Variants in CASZ1 observed in about 807,000 individuals in gnomAD.
CASZ1 encodes castor zinc finger 1.
In CASZ1, 28 loss-of-function variants were observed where a neutral mutation model predicts 135.2. That is an observed-to-expected ratio of 0.21 (90% CI 0.15 to 0.28). CASZ1 has a LOEUF of 0.28. Ranked by LOEUF, CASZ1 falls within the 10% of genes least tolerant of loss-of-function variation. CASZ1 has a pLI of 1.00. For synonymous variants in CASZ1, 1,068 were observed against 1,073.4 expected, an observed-to-expected ratio of 0.99 and a Z score of 0.10; for missense variants, 2,161 against 2,453.3, an observed-to-expected ratio of 0.88 and a Z score of 2.52.
rs1350028964 is a variant in CASZ1 at position 10,696,448 on chromosome 1, C to T, written c.-23-2536G>A. On this transcript the variant is annotated intron_variant, in intron 3 of 20. Coordinates refer to ENST00000377022, the MANE Select transcript of CASZ1 (RefSeq NM_001079843.3). ...ATGACTGCCCGTACCGGGCACCCAG[C>T]ACAGAGGACTGTGTGCCTCTGCTCC... is the stretch of plus-strand genomic sequence containing the variant. Among the ~76,000 whole-genome samples the T allele has an allele frequency of 1.3e-5, 2 of 152,272 alleles. 1 individual carries two copies. Among genetic ancestry groups the T allele is most frequent in the East Asian group, 3.8e-4 (2 of 5,200 alleles).
rs925743187 is a variant in CASZ1, at chr1:10,759,349, C to G, written c.-77+1352G>C. On this transcript the variant is annotated intron_variant, in intron 2 of 20. Transcript: ENST00000377022. This position sits in a 1 kb window ranked among gnomAD's most constrained non-coding sequence, Gnocchi z 4.2. ...CAGAAGACTTCAGCGCCACGAAACTCCCCCCACGGCCTTTTCCAGGTGACA... is the reference window on the plus strand; with the variant it reads ...CAGAAGACTTCAGCGCCACGAAACTGCCCCCACGGCCTTTTCCAGGTGACA... Among the ~76,000 whole-genome samples, 16 of 152,252 alleles carry G rather than the reference C, an allele frequency of 1.1e-4. No individual in the cohort carries two copies. The highest frequency in any genetic ancestry group is 1.0e-3 in the Admixed American group (16 of 15,296).
At chr1:10,789,367 CG>C (rs890010881) in intron 1 of CASZ1, among the ~76,000 whole-genome samples, 71 of 151,144 alleles carry the variant, frequency 4.7e-4, no homozygotes, top group Non-Finnish European at 1.8e-4. Context: ...GCCTGCCCCC[CG>C]CACCCCCTCC....
At chr1:10,791,989 C>T (rs971792033) in intron 1 of CASZ1, among the ~76,000 whole-genome samples, 5 of 151,718 alleles carry the variant, frequency 3.3e-5, no homozygotes, top group African/African-American at 1.2e-4. Context: ...CTTTTCTACT[C>T]GTAAGCCTCT....
chr1:10,718,215 C>G (rs893192017), intron 2 of CASZ1, among the ~76,000 whole-genome samples: 1 of 152,226 alleles, frequency 6.6e-6, no homozygotes, highest in Non-Finnish European at 1.5e-5. Context: ...TCTCCCCTTC[C>G]GCCCTGTTGC....
rs1048726137 is a variant in CASZ1 at position 10,757,050 on chromosome 1, C to A, written c.-77+3651G>T. ...GGATAGTGTGTGTCCTGGCCTGCTCCCAGGCTCACTCCTGAAAACGGTGTC... is the reference window on the plus strand; with the variant it reads ...GGATAGTGTGTGTCCTGGCCTGCTCACAGGCTCACTCCTGAAAACGGTGTC... On this transcript the variant is annotated intron_variant, in intron 2 of 20. Coordinates refer to ENST00000377022, the MANE Select transcript of CASZ1 (RefSeq NM_001079843.3). The surrounding 1 kb of genome is among the most constrained non-coding windows in gnomAD (Gnocchi z 4.6). Among the ~76,000 whole-genome samples, 1 of 152,142 alleles carries A rather than the reference C, an allele frequency of 6.6e-6. No individual in the cohort carries two copies. The highest frequency in any genetic ancestry group is 2.1e-4 in the South Asian group (1 of 4,824).
In CASZ1 at chr1:10,638,467, C is replaced by T. The variant is rs943466283; in HGVS notation, c.*475G>A. 6.6e-6 allele frequency: 1 copy of T among 152,098 alleles called. No homozygotes were observed. The highest frequency in any genetic ancestry group is 2.4e-5 in the African/African-American group (1 of 41,420). The allele number at this position is 152,098 out of a possible 1,614,324, so 9.4% of individuals were successfully genotyped here. On this transcript the variant is annotated 3_prime_UTR_variant, in exon 21 of 21. Transcript: ENST00000377022. The surrounding 1 kb of genome is among the most constrained non-coding windows in gnomAD (Gnocchi z 5.9). The stretch of plus-strand genomic sequence containing the variant: ...TCACCCGTGCTGACTGCCTTCTGCC[C>T]GTCTCCCCCTGGGCAGGGGGGAGGA...
At chr1:10,738,918 G>GTTTTTTT (rs752101102) in intron 2 of CASZ1, among the ~76,000 whole-genome samples, 3 of 69,174 alleles carry the variant, frequency 4.3e-5, no homozygotes, top group Non-Finnish European at 8.3e-5. Flanking sequence ...ATGAAGGAAG[G>GTTTTTTT]TTTTTTTTTT....
Position 10,777,469 on chromosome 1 carries a change from G to A in CASZ1, c.-233-16612C>T, listed in dbSNP as rs760726555. On this transcript the variant is annotated intron_variant, in intron 1 of 20. Coordinates refer to ENST00000377022, the MANE Select transcript of CASZ1 (RefSeq NM_001079843.3). This position sits in a 1 kb window ranked among gnomAD's most constrained non-coding sequence, Gnocchi z 4.4. ...AGAATTGCCATTCAGCCCCGGATCCGGCCAGAGCACAGTCTCACTCAGGGT... is the reference window on the plus strand; with the variant it reads ...AGAATTGCCATTCAGCCCCGGATCCAGCCAGAGCACAGTCTCACTCAGGGT... 1.3e-5 allele frequency among the ~76,000 whole-genome samples: 2 copies of A among 152,144 alleles called. No homozygotes were observed. The highest frequency in any genetic ancestry group is 2.4e-5 in the African/African-American group (1 of 41,416).
Position 10,660,023 on chromosome 1 carries a change from T to A in CASZ1, c.1019A>T (p.Asp340Val), listed in dbSNP as rs1352712486. The A allele has an allele frequency of 6.2e-7, 1 of 1,614,016 alleles. No individual in the cohort carries two copies. The highest frequency in any genetic ancestry group is 2.2e-5 in the East Asian group (1 of 44,882). ...GSTYKKPSKY[D>V]LENVKYLHLF... ...GTGCAGGTACTTGACATTCTCCAGG[T>A]CGTACTTGGATGGCTTCTTGTAGGT... Residue 340 changes from aspartate to valine, a missense_variant, in exon 6 of 21, where the codon GAC becomes GTC. Transcript: ENST00000377022.
intron 2 of CASZ1, among the ~76,000 whole-genome samples, chr1:10,740,088 G>A (rs994445941): frequency 3.3e-5 from 5 of 152,298 alleles, no homozygotes; most frequent in South Asian, 4.1e-4. Context: ...CAGCCCAGGC[G>A]CCTGTTAGGT....
At chr1:10,718,902 C>G (rs1242273103) in intron 2 of CASZ1, among the ~76,000 whole-genome samples, 1 of 152,172 alleles carries the variant, frequency 6.6e-6, no homozygotes, top group Non-Finnish European at 1.5e-5. Flanking sequence ...CAGGGTCTCT[C>G]TTGCTCTGTT....
chr1:10,740,109 T>C (rs1410093079), intron 2 of CASZ1, among the ~76,000 whole-genome samples: 1 of 152,208 alleles, frequency 6.6e-6, no homozygotes, highest in Non-Finnish European at 1.5e-5. Flanking sequence ...TTTAGTTCAC[T>C]CACTCCTCTC....
chr1:10,653,224 G>C lies in CASZ1; in HGVS notation c.2680+153C>G. 3.6e-6 allele frequency: 3 copies of C among 826,348 alleles called. No individual in the cohort carries two copies. In the South Asian group the frequency reaches 4.7e-5, roughly 13 times the overall value. The allele number at this position is 826,348 out of a possible 1,614,324, so 51.2% of individuals were successfully genotyped here. On this transcript the variant is annotated intron_variant, in intron 11 of 20. Transcript: ENST00000377022. ...CCCCACATAGAAACCAACAGGATGG[G>C]GGCGAAGATCAGGCAAAGAGGGGGT...
In CASZ1 at chr1:10,639,083, C is replaced by CTCG. The variant is rs201089181; in HGVS notation, c.5136_5138dup (p.Asp1712dup). On this transcript the variant is annotated inframe_insertion, in exon 21 of 21. Coordinates refer to ENST00000377022, the MANE Select transcript of CASZ1 (RefSeq NM_001079843.3). This position sits in a 1 kb window ranked among gnomAD's most constrained non-coding sequence, Gnocchi z 4.0. ...ACTCCTCCGAGTCGGTGCGCAGGTC[C>CTCG]TCGTCGTCGTCGTCCTCGTCGTCGT... The CTCG allele has an allele frequency of 1.6e-5, 18 of 1,146,772 alleles. No homozygotes were observed. The highest frequency in any genetic ancestry group is 1.7e-5 in the African/African-American group (1 of 59,558). 71.0% of individuals were successfully genotyped at this position (1,146,772 alleles called of 1,614,324 possible).
intron 1 of CASZ1, among the ~76,000 whole-genome samples, chr1:10,770,384 C>G (rs751919175): frequency 2.0e-4 from 31 of 152,168 alleles, no homozygotes; most frequent in Non-Finnish European, 3.7e-4. Flanking sequence ...CGAACCTGGC[C>G]TAAATTATTT....
rs374464130 is a variant in CASZ1 at position 10,740,960 on chromosome 1, CAAAAA to C, written c.-77+19736_-77+19740del. The stretch of plus-strand genomic sequence containing the variant: ...GCGACAGGGTGAGACCCTGTCTGGA[CAAAAA>C]AAAAAAAAAAAAGAAAAAAAAGTCT... On this transcript the variant is annotated intron_variant, in intron 2 of 20. Transcript: ENST00000377022. Among the ~76,000 whole-genome samples, 9 of 61,484 alleles carry C rather than the reference CAAAAA, an allele frequency of 1.5e-4. No homozygotes were observed. In the South Asian group the frequency reaches 6.0e-3, roughly 41 times the overall value. The allele number at this position is 61,484 out of a possible 152,430, so 40.3% of individuals were successfully genotyped here.
At chr1:10,642,624 G>T (rs1283343269) in intron 20 of CASZ1, among the ~76,000 whole-genome samples, 1 of 152,192 alleles carries the variant, frequency 6.6e-6, no homozygotes, top group Non-Finnish European at 1.5e-5. Context: ...GCTCAGAGAG[G>T]ACGGGCCCAG....
intron 4 of CASZ1, among the ~76,000 whole-genome samples, chr1:10,681,171 G>T (rs1032352908): frequency 6.6e-6 from 1 of 151,888 alleles, no homozygotes; most frequent in Non-Finnish European, 1.5e-5. Context: ...AAAGTGCTGG[G>T]ATTATAGGCA....
Position 10,759,804 on chromosome 1 carries a change from A to C in CASZ1, c.-77+897T>G, listed in dbSNP as rs1388766665. Among the ~76,000 whole-genome samples, 2 of 151,900 alleles carry C rather than the reference A, an allele frequency of 1.3e-5. No homozygotes were observed. Among genetic ancestry groups the C allele is most frequent in the African/African-American group, 4.8e-5 (2 of 41,324 alleles). Reference sequence around the variant, plus strand: ...CCGGCTCCAGGCTGGCACACATAGGAAGAGCAGCCCCCGGCCCTGCCCTCC... The same window carrying C: ...CCGGCTCCAGGCTGGCACACATAGGCAGAGCAGCCCCCGGCCCTGCCCTCC... On this transcript the variant is annotated intron_variant, in intron 2 of 20. Coordinates refer to ENST00000377022, the MANE Select transcript of CASZ1 (RefSeq NM_001079843.3). The surrounding 1 kb of genome is among the most constrained non-coding windows in gnomAD (Gnocchi z 4.2).
Sources: allele counts gnomAD v4.1 joint callset (sites outside exome capture counted in the v4.1 genomes callset), GRCh38; gene constraint gnomAD v4.1.1; non-coding constraint Gnocchi (gnomAD v3.1); transcripts MANE v1.5; gene names NCBI Gene and HGNC (gene_info 2026-07-23, HGNC 2026-07-21).